The following COL11A1 variants were observed in gnomAD, a reference collection of about 807,000 sequenced individuals.
COL11A1 encodes the protein collagen type XI alpha 1 chain.
In COL11A1, 74 loss-of-function variants were observed where a neutral mutation model predicts 265.2. The observed-to-expected ratio is 0.28, with a 90% CI of 0.23 to 0.34. COL11A1 has a LOEUF of 0.34. Ranked by LOEUF, COL11A1 falls within the 10% of genes least tolerant of loss-of-function variation. The pLI is 1.00. For synonymous variants in COL11A1, 816 were observed against 727.6 expected (o/e 1.12, Z -1.96); for missense variants, 2,165 against 2,263.6 (o/e 0.96, Z 0.88).
intron 54 of COL11A1, among the ~76,000 whole-genome samples, chr1:102,908,668 T>A (rs1332353701): frequency 6.6e-6 from 1 of 151,878 alleles, no homozygotes; most frequent in East Asian, 1.9e-4. Flanking sequence ...TTGTTACAAA[T>A]AAGGTTTACA....
intron 46 of COL11A1, among the ~76,000 whole-genome samples, chr1:102,933,624 C>T (rs866190902): frequency 4.6e-5 from 7 of 152,186 alleles, no homozygotes; most frequent in Non-Finnish European, 7.4e-5. Flanking sequence ...CCACCCAGCT[C>T]GAGCTTCCTG....
chr1:102,933,945 G>T (rs532289516), intron 46 of COL11A1, among the ~76,000 whole-genome samples: 116 of 152,194 alleles, frequency 7.6e-4, no homozygotes, highest in Non-Finnish European at 1.2e-3. Flanking sequence ...GCCCTGCTTC[G>T]GCTCGCACAC....
rs7555862 is a variant in COL11A1, at chr1:103,092,182, G to T, written c.107-9210C>A. ...ATTCTAACCTATTTAGGGATTGAGA[G>T]AAATAGTTGACCCTTGAACAATACT... is the stretch of plus-strand genomic sequence containing the variant. On this transcript the variant is annotated intron_variant, in intron 1 of 66. Coordinates refer to ENST00000370096, the MANE Select transcript of COL11A1 (RefSeq NM_001854.4). 5.3e-3 allele frequency among the ~76,000 whole-genome samples: 799 copies of T among 152,186 alleles called. 8 individuals carry two copies. Among genetic ancestry groups the T allele is most frequent in the African/African-American group, 0.018 (766 of 41,558 alleles).
chr1:102,978,212 T>C (rs936189750), intron 35 of COL11A1, among the ~76,000 whole-genome samples: 1 of 152,170 alleles, frequency 6.6e-6, no homozygotes, highest in African/African-American at 2.4e-5. Context: ...GGCTACATCT[T>C]ACATCAATTA....
chr1:102,923,934 C>A (rs1283902841), intron 46 of COL11A1, among the ~76,000 whole-genome samples: 1 of 151,674 alleles, frequency 6.6e-6, no homozygotes. Flanking sequence ...TCAGGCCGGG[C>A]GCAGTGGCTC....
At chr1:102,911,388 G>A (rs1218714031) in intron 54 of COL11A1, among the ~76,000 whole-genome samples, 1 of 152,080 alleles carries the variant, frequency 6.6e-6, no homozygotes, top group East Asian at 1.9e-4. Context: ...AAACAGTAGT[G>A]GCCCCAATTG....
chr1:103,083,789 G>T (rs1672632275), intron 1 of COL11A1, among the ~76,000 whole-genome samples: 1 of 152,142 alleles, frequency 6.6e-6, no homozygotes, highest in Non-Finnish European at 1.5e-5. Flanking sequence ...AGTCCCTGGA[G>T]ATGAGTAATT....
intron 11 of COL11A1, among the ~76,000 whole-genome samples, chr1:103,016,923 G>A (rs1445210041): frequency 6.6e-6 from 1 of 151,912 alleles, no homozygotes; most frequent in African/African-American, 2.4e-5. Flanking sequence ...ATAAGGCACA[G>A]TGTAAAGAGA....
chr1:103,074,536 G>T (rs1671823423), intron 4 of COL11A1, 82 bp downstream of exon 4: 18 of 1,495,062 alleles, frequency 1.2e-5, no homozygotes, highest in Non-Finnish European at 1.6e-5. Context: ...ATAACGTATT[G>T]CTATAAAGCG....
At chr1:102,924,203 A>G (rs1273849171) in intron 46 of COL11A1, among the ~76,000 whole-genome samples, 2 of 152,182 alleles carry the variant, frequency 1.3e-5, no homozygotes, top group African/African-American at 4.8e-5. Context: ...CCTGGGTGAC[A>G]GAGCAAGACT....
chr1:103,046,571 T>C (rs1268830826), intron 4 of COL11A1, among the ~76,000 whole-genome samples: 1 of 151,106 alleles, frequency 6.6e-6, no homozygotes, highest in African/African-American at 2.4e-5. Flanking sequence ...TTCACTCTGA[T>C]GGTAGTTTCT....
At position 102,923,374 on chromosome 1, in the gene COL11A1, G is replaced by A. The variant is rs1656207778; in HGVS notation, c.3616C>T (p.Pro1206Ser). The A allele has an allele frequency of 1.2e-6, 2 of 1,604,088 alleles. No homozygotes were observed. The highest frequency in any genetic ancestry group is 8.5e-7 in the Non-Finnish European group (1 of 1,174,348). The change falls in exon 47 of 67, where the codon CCT (proline) becomes TCT (serine). Residue 1206 changes from proline to serine, a missense_variant. Pro to Ser is a moderately conservative substitution (Grantham distance 74). Transcript: ENST00000370096. ...PIGLQGLPGPPGEKGENGDVG... is the reference protein window; with the variant it reads ...PIGLQGLPGPSGEKGENGDVG... Reference sequence around the variant, plus strand: ...TCCCCATTTTCACCTTTTTCACCAGGTGGGCCTGGCAGACCCTAAGAAAAT... The same window carrying A: ...TCCCCATTTTCACCTTTTTCACCAGATGGGCCTGGCAGACCCTAAGAAAAT...
At chr1:102,980,542 A>G (rs1662938784) in intron 31 of COL11A1, among the ~76,000 whole-genome samples, 1 of 152,122 alleles carries the variant, frequency 6.6e-6, no homozygotes, top group Non-Finnish European at 1.5e-5. Context: ...GATTAAGTGC[A>G]ATAATACGTA....
chr1:102,979,162 T>C, intron 32 of COL11A1, 58 bp from the exon 33 acceptor site: 1 of 1,480,294 alleles, frequency 6.8e-7, no homozygotes, highest in African/African-American at 1.4e-5. Context: ...ATGAGCCTGG[T>C]GCTGAGACTG....
rs181293457 is a variant in COL11A1, at chr1:103,034,824, T to A, written c.652-3580A>T. ...AGTTGAACATATTAAATAACAACCCTGAAATCAGATACTATCCTCCCCTTC... is the reference window on the plus strand; with the variant it reads ...AGTTGAACATATTAAATAACAACCCAGAAATCAGATACTATCCTCCCCTTC... On this transcript the variant is annotated intron_variant, in intron 4 of 66. Coordinates refer to ENST00000370096, the MANE Select transcript of COL11A1 (RefSeq NM_001854.4). Among the ~76,000 whole-genome samples, 11 of 152,182 alleles carry A rather than the reference T, an allele frequency of 7.2e-5. No individual in the cohort carries two copies. In the East Asian group the frequency reaches 1.2e-3, roughly 16 times the overall value.
At chr1:102,991,267 A>G (rs192269375) in intron 28 of COL11A1, among the ~76,000 whole-genome samples, 108 of 152,254 alleles carry the variant, frequency 7.1e-4, no homozygotes, top group African/African-American at 2.6e-3. Flanking sequence ...TTCAGAAAAG[A>G]ACATTTTGGG....
At chr1:102,941,840 C>A (rs1658754477) in intron 42 of COL11A1, among the ~76,000 whole-genome samples, 1 of 152,108 alleles carries the variant, frequency 6.6e-6, no homozygotes, top group Admixed American at 6.5e-5. Context: ...ATTGCCCTAT[C>A]AGATAATAAA....
intron 28 of COL11A1, among the ~76,000 whole-genome samples, chr1:102,994,878 AG>A (rs1664476375): frequency 6.6e-6 from 1 of 152,122 alleles, no homozygotes; most frequent in Non-Finnish European, 1.5e-5. Context: ...GGAATCCTCA[AG>A]AAACTTACAA....
At chr1:102,990,497 T>G (rs1008637798) in intron 28 of COL11A1, among the ~76,000 whole-genome samples, 1 of 151,958 alleles carries the variant, frequency 6.6e-6, no homozygotes, top group Non-Finnish European at 1.5e-5. Context: ...AGAGCAACAA[T>G]GCTGAAAATG....
Sources: gnomAD v4.1 joint callset for allele counts (sites outside exome capture counted in the v4.1 genomes callset) on GRCh38, gnomAD v4.1.1 for gene constraint, MANE v1.5 for transcripts, NCBI Gene and HGNC (gene_info 2026-07-23, HGNC 2026-07-21) for gene names.